OSBPL9: variants seen among roughly 807,000 people sequenced by gnomAD.
OSBPL9 encodes oxysterol-binding protein-related protein 9.
In OSBPL9, 40 loss-of-function variants were observed where a neutral mutation model predicts 106.6. That is an observed-to-expected ratio of 0.38 (90% CI 0.29 to 0.49). OSBPL9 has a LOEUF of 0.49. Among genes scored for constraint, OSBPL9 ranks in the 20% least tolerant of loss-of-function variants. The pLI is 0.97. For synonymous variants in OSBPL9, 269 were observed against 295.4 expected, an observed-to-expected ratio of 0.91 and a Z score of 0.92; for missense variants, 609 against 887.2, an observed-to-expected ratio of 0.69 and a Z score of 3.98.
At chr1:51,630,801 C>T (rs763900615) in intron 1 of OSBPL9, among the ~76,000 whole-genome samples, 3 of 152,116 alleles carry the variant, frequency 2.0e-5, no homozygotes, top group Non-Finnish European at 4.4e-5. Flanking sequence ...AACTTTTTGA[C>T]TCCTTCGTAT....
At chr1:51,731,429 T>A (rs1664380479) in intron 4 of OSBPL9, among the ~76,000 whole-genome samples, 2 of 152,048 alleles carry the variant, frequency 1.3e-5, no homozygotes. Flanking sequence ...CTAGCCTGGA[T>A]GACAGAGAGC....
chr1:51,693,754 T>A (rs1655460572), intron 3 of OSBPL9, among the ~76,000 whole-genome samples: 1 of 152,234 alleles, frequency 6.6e-6, no homozygotes, highest in Non-Finnish European at 1.5e-5. Context: ...TGATTTTAAT[T>A]CTAAAAAATA....
chr1:51,746,358 A>G (rs1485667300), intron 5 of OSBPL9, among the ~76,000 whole-genome samples: 1 of 152,230 alleles, frequency 6.6e-6, no homozygotes, highest in Non-Finnish European at 1.5e-5. Flanking sequence ...CCTACTTAAA[A>G]TTAATTAAAA....
At chr1:51,557,225 C>A in the OSBPL9 span, among the ~76,000 whole-genome samples, 2 of 152,148 alleles carry the variant, frequency 1.3e-5, no homozygotes, top group Non-Finnish European at 2.9e-5. Flanking sequence ...ACCAACCTTG[C>A]CTCCAAGAGA....
the OSBPL9 span, among the ~76,000 whole-genome samples, chr1:51,541,358 A>G: frequency 6.6e-6 from 1 of 151,530 alleles, no homozygotes; most frequent in African/African-American, 2.4e-5. Context: ...CTTCTTTATC[A>G]CTTTGGTTTG....
At chr1:51,584,670 C>T (rs750164017) in intron 1 of OSBPL9, among the ~76,000 whole-genome samples, 3 of 152,104 alleles carry the variant, frequency 2.0e-5, no homozygotes, top group Non-Finnish European at 4.4e-5. Flanking sequence ...GAGCCGAGAT[C>T]GCGCCATTGC....
the OSBPL9 span, among the ~76,000 whole-genome samples, chr1:51,537,990 T>C: frequency 6.6e-6 from 1 of 152,280 alleles, no homozygotes; most frequent in South Asian, 2.1e-4. Flanking sequence ...TTTATTCATT[T>C]GTTTAAAATT....
At chr1:51,600,026 A>G (rs923663080) in intron 2 of OSBPL9, among the ~76,000 whole-genome samples, 3 of 152,208 alleles carry the variant, frequency 2.0e-5, no homozygotes, top group Non-Finnish European at 4.4e-5. Flanking sequence ...TTCTTTTATA[A>G]GGGCATTATT....
intron 1 of OSBPL9, among the ~76,000 whole-genome samples, chr1:51,597,445 G>GTA (rs764200513): frequency 0.021 from 3,053 of 147,100 alleles, 104 homozygotes; most frequent in African/African-American, 0.069. Flanking sequence ...GTGTGTGTGT[G>GTA]TGTGTGTGTG....
chr1:51,522,007 T>G, the OSBPL9 span, among the ~76,000 whole-genome samples: 1,353 of 152,230 alleles, frequency 8.9e-3, 21 homozygotes, highest in African/African-American at 0.031. Flanking sequence ...TCTGCCTGCC[T>G]CGGCTTCCCA....
At chr1:51,730,105 C>T in intron 4 of OSBPL9, 1 of 1,252,470 alleles carries the variant, frequency 8.0e-7, no homozygotes, top group East Asian at 3.1e-5. Context: ...CACCCTGCCT[C>T]CTTCCCGCCG....
intron 4 of OSBPL9, among the ~76,000 whole-genome samples, chr1:51,735,404 T>C (rs1665447642): frequency 6.6e-6 from 1 of 152,220 alleles, no homozygotes; most frequent in African/African-American, 2.4e-5. Flanking sequence ...TTGTATCTGA[T>C]TATGCTGTTT....
intron 1 of OSBPL9, among the ~76,000 whole-genome samples, chr1:51,650,903 A>G (rs1646477131): frequency 6.6e-6 from 1 of 152,240 alleles, no homozygotes; most frequent in Non-Finnish European, 1.5e-5. Flanking sequence ...TCAGTTTAGT[A>G]AGAGACACAG....
intron 3 of OSBPL9, among the ~76,000 whole-genome samples, chr1:51,692,094 T>G (rs1309934435): frequency 1.3e-5 from 2 of 152,108 alleles, no homozygotes; most frequent in African/African-American, 4.8e-5. Flanking sequence ...ATTGCTTGAG[T>G]CCACGAGTTT....
At chr1:51,579,055 A>AT (rs560800594) in intron 1 of OSBPL9, among the ~76,000 whole-genome samples, 1,434 of 139,406 alleles carry the variant, frequency 0.01, 11 homozygotes, top group Non-Finnish European at 0.013. Flanking sequence ...CTTCAGCAGA[A>AT]TTTTTTTTTT....
chr1:51,660,799 G>T (rs1450866485), intron 2 of OSBPL9, among the ~76,000 whole-genome samples: 1 of 152,142 alleles, frequency 6.6e-6, no homozygotes, highest in Non-Finnish European at 1.5e-5. Context: ...TTCCTCCAGG[G>T]CATAGACATG....
In OSBPL9 at chr1:51,602,018, C is replaced by CTTTT. The variant is rs758760414; in HGVS notation, c.-353+3842_-353+3845dup. ...AGTCAATTGTTCCATTCTTGGGGTTCTTTTTTTTTTTTTTTTTTTTGAGAC... is the reference window on the plus strand; with the variant it reads ...AGTCAATTGTTCCATTCTTGGGGTTCTTTTTTTTTTTTTTTTTTTTTTTTGAGAC... On this transcript the variant is annotated intron_variant, in intron 2 of 25. Coordinates refer to the OSBPL9 transcript ENST00000371714. 2.0e-4 allele frequency among the ~76,000 whole-genome samples: 15 copies of CTTTT among 76,396 alleles called. 4 individuals are homozygous for CTTTT. Among genetic ancestry groups the CTTTT allele is most frequent in the African/African-American group, 7.8e-4 (15 of 19,204 alleles). The allele number at this position is 76,396 out of a possible 152,430, so 50.1% of individuals were successfully genotyped here.
At chr1:51,637,962 T>C (rs1288615418) in intron 1 of OSBPL9, among the ~76,000 whole-genome samples, 2 of 152,210 alleles carry the variant, frequency 1.3e-5, no homozygotes, top group East Asian at 3.8e-4. Flanking sequence ...CCTTCTGATA[T>C]TAGTTCTGGC....
intron 16 of OSBPL9, chr1:51,781,580 C>A: frequency 2.9e-6 from 1 of 346,670 alleles, no homozygotes; most frequent in Non-Finnish European, 5.3e-6. Flanking sequence ...AATTTTATGG[C>A]TTTTCAGGAT....
Sources: gnomAD v4.1 joint callset for allele counts (sites outside exome capture counted in the v4.1 genomes callset) on GRCh38, gnomAD v4.1.1 for gene constraint, MANE v1.5 for transcripts, NCBI Gene and HGNC (gene_info 2026-07-23, HGNC 2026-07-21) for gene names.